CSMD1: variants seen among roughly 807,000 people sequenced by gnomAD.
CSMD1 encodes CUB and sushi domain-containing protein 1.
A neutral mutation model predicts 417.5 loss-of-function variants in CSMD1; 213 were observed. The ratio of observed to expected loss-of-function variants is 0.51; its 90% CI spans 0.46 to 0.57. The LOEUF is 0.57. CSMD1 is among the 20% of genes least tolerant of loss of function. CSMD1 has a pLI of 0.00. For synonymous variants in CSMD1, 2,862 were observed against 1,736.8 expected (o/e 1.65, Z -16.11); for missense variants, 6,923 against 4,529.7 (o/e 1.53, Z -15.17).
intron 6 of CSMD1, among the ~76,000 whole-genome samples, chr8:3,747,493 GTTTGT>G (rs1474791120): frequency 1.5e-5 from 2 of 131,930 alleles, no homozygotes; most frequent in Non-Finnish European, 3.4e-5. Context: ...CAAATCATAC[GTTTGT>G]TTTTTTTCCT....
At chr8:3,277,068 A>T (rs1044386163) in intron 26 of CSMD1, among the ~76,000 whole-genome samples, 2 of 152,154 alleles carry the variant, frequency 1.3e-5, no homozygotes, top group East Asian at 3.9e-4. Context: ...CAAGGCGGGG[A>T]AGGTCAGTCC....
rs1208930261 is a variant in CSMD1, at chr8:4,146,593, C to CTTTTTTTTTTTTTTTTTTTT, written c.416-114495_416-114494insAAAAAAAAAAAAAAAAAAAA. On this transcript the variant is annotated intron_variant, in intron 3 of 69. Coordinates refer to ENST00000635120, the MANE Select transcript of CSMD1 (RefSeq NM_033225.6). The stretch of plus-strand genomic sequence containing the variant: ...ATCTGTCTAAATGTTTATATGGACA[C>CTTTTTTTTTTTTTTTTTTTT]ATTTTTTTTTTTTTTTTTTTTTTTT... Among the ~76,000 whole-genome samples, 53 of 90,752 alleles carry CTTTTTTTTTTTTTTTTTTTT rather than the reference C, an allele frequency of 5.8e-4. 22 individuals are homozygous for CTTTTTTTTTTTTTTTTTTTT. The highest frequency in any genetic ancestry group is 8.8e-4 in the Admixed American group (6 of 6,790). The allele number at this position is 90,752 out of a possible 152,430, so 59.5% of individuals were successfully genotyped here.
At chr8:4,020,571 C>T (rs1796739671) in intron 4 of CSMD1, among the ~76,000 whole-genome samples, 1 of 152,148 alleles carries the variant, frequency 6.6e-6, no homozygotes, top group Non-Finnish European at 1.5e-5. Flanking sequence ...ATGGAGAAGT[C>T]TGAGAAAGGC....
intron 7 of CSMD1, among the ~76,000 whole-genome samples, chr8:3,704,487 G>C (rs540423460): frequency 6.6e-6 from 1 of 152,208 alleles, no homozygotes; most frequent in Non-Finnish European, 1.5e-5. Flanking sequence ...ATAAGGGGTA[G>C]TTATGCAGAC....
At chr8:3,882,795 G>T (rs930814687) in intron 5 of CSMD1, among the ~76,000 whole-genome samples, 1 of 152,164 alleles carries the variant, frequency 6.6e-6, no homozygotes, top group Non-Finnish European at 1.5e-5. Flanking sequence ...AAAATCTACA[G>T]TGTCATTTAC....
chr8:3,534,219 C>T (rs1453553661), intron 10 of CSMD1, among the ~76,000 whole-genome samples: 1 of 152,132 alleles, frequency 6.6e-6, no homozygotes, highest in Non-Finnish European at 1.5e-5. Flanking sequence ...ACGCCCTTTG[C>T]CTAGGTAGTC....
At chr8:4,900,425 G>C (rs1035817746) in intron 1 of CSMD1, among the ~76,000 whole-genome samples, 3 of 152,088 alleles carry the variant, frequency 2.0e-5, no homozygotes, top group Non-Finnish European at 2.9e-5. Flanking sequence ...CCAATTTCTG[G>C]AGATGCAGCC....
At chr8:3,667,628 A>G (rs1798767936) in intron 7 of CSMD1, among the ~76,000 whole-genome samples, 1 of 152,128 alleles carries the variant, frequency 6.6e-6, no homozygotes, top group Non-Finnish European at 1.5e-5. Context: ...CCTCCTCCTT[A>G]TTTGGGTTGC....
chr8:4,126,301 T>C (rs537151552), intron 3 of CSMD1, among the ~76,000 whole-genome samples: 2 of 152,320 alleles, frequency 1.3e-5, no homozygotes, highest in African/African-American at 4.8e-5. Flanking sequence ...AATGTCCCTG[T>C]TGATAAATTG....
At chr8:4,776,728 A>G (rs1002566976) in intron 1 of CSMD1, among the ~76,000 whole-genome samples, 3 of 152,202 alleles carry the variant, frequency 2.0e-5, no homozygotes, top group African/African-American at 7.2e-5. Flanking sequence ...ATTTTGTAGC[A>G]AAGTGCCACA....
At chr8:4,621,383 G>A (rs567244831) in intron 2 of CSMD1, among the ~76,000 whole-genome samples, 2 of 152,130 alleles carry the variant, frequency 1.3e-5, no homozygotes, top group African/African-American at 2.4e-5. Flanking sequence ...TGGAACATTT[G>A]GGATTTGGAA....
intron 3 of CSMD1, among the ~76,000 whole-genome samples, chr8:4,194,878 A>G (rs771521206): frequency 6.6e-6 from 1 of 152,168 alleles, no homozygotes; most frequent in Non-Finnish European, 1.5e-5. Context: ...TTCATTGGTC[A>G]GCCACATAAT....
chr8:3,503,962 G>T (rs1009747073), intron 10 of CSMD1, among the ~76,000 whole-genome samples: 4 of 152,046 alleles, frequency 2.6e-5, no homozygotes, highest in Admixed American at 2.6e-4. Context: ...GCGTGGACAA[G>T]AAGTGGTTGA....
intron 1 of CSMD1, among the ~76,000 whole-genome samples, chr8:4,714,050 C>T (rs1036189635): frequency 6.6e-6 from 1 of 151,992 alleles, no homozygotes; most frequent in Non-Finnish European, 1.5e-5. Flanking sequence ...GAGACTGAGG[C>T]AGGAGGATCA....
chr8:3,071,730 A>T (rs946925780), intron 49 of CSMD1, among the ~76,000 whole-genome samples: 1 of 152,188 alleles, frequency 6.6e-6, no homozygotes, highest in African/African-American at 2.4e-5. Context: ...TACAGCCACT[A>T]ATTCACCTGA....
chr8:4,437,547 G>A (rs761808111), intron 2 of CSMD1, among the ~76,000 whole-genome samples: 1 of 152,096 alleles, frequency 6.6e-6, no homozygotes, highest in Non-Finnish European at 1.5e-5. Flanking sequence ...TTATATTACA[G>A]TTTCTGCAGA....
intron 12 of CSMD1, among the ~76,000 whole-genome samples, chr8:3,410,189 A>G (rs1328274042): frequency 6.6e-6 from 1 of 152,196 alleles, no homozygotes; most frequent in Non-Finnish European, 1.5e-5. Context: ...CCAAACCTAT[A>G]TTTCAAATGT....
At chr8:4,229,296 T>C (rs1332123495) in intron 3 of CSMD1, among the ~76,000 whole-genome samples, 1 of 152,194 alleles carries the variant, frequency 6.6e-6, no homozygotes, top group Non-Finnish European at 1.5e-5. Context: ...TTCAGTGGCT[T>C]GAGCCACCAT....
intron 7 of CSMD1, among the ~76,000 whole-genome samples, chr8:3,685,206 C>A (rs1337594951): frequency 2.0e-5 from 3 of 152,156 alleles, no homozygotes; most frequent in Non-Finnish European, 2.9e-5. Context: ...AAAATTGAAG[C>A]CACTGCCCTT....
Sources: allele counts gnomAD v4.1 joint callset (sites outside exome capture counted in the v4.1 genomes callset), GRCh38; gene constraint gnomAD v4.1.1; transcripts MANE v1.5; gene names NCBI Gene and HGNC (gene_info 2026-07-23, HGNC 2026-07-21).